TSHZ1: variants seen among roughly 807,000 people sequenced by gnomAD.
TSHZ1 encodes teashirt zinc finger homeobox 1.
A neutral mutation model predicts 67.1 loss-of-function variants in TSHZ1; 12 were observed. That is an observed-to-expected ratio of 0.18 (90% confidence interval 0.11 to 0.29). The LOEUF is 0.29. TSHZ1 is among the 10% of genes least tolerant of loss of function. The probability of loss-of-function intolerance (pLI) is 1.00; values close to 1 mark genes in which losing one functional copy is unlikely to be tolerated. For synonymous variants in TSHZ1, 632 were observed against 622.4 expected (o/e 1.02, Z -0.23); for missense variants, 1,305 against 1,413.9 (o/e 0.92, Z 1.23).
At chr18:75,284,488 G>T (rs569216576) in intron 1 of TSHZ1, 1 of 152,322 alleles carries the variant, frequency 6.6e-6, no homozygotes, top group East Asian at 1.9e-4. Context: ...TCATATTGAT[G>T]TGCAGCCATC....
At chr18:75,228,132 A>T (rs1003312694) in intron 1 of TSHZ1, among the ~76,000 whole-genome samples, 1 of 152,232 alleles carries the variant, frequency 6.6e-6, no homozygotes, top group African/African-American at 2.4e-5. Context: ...TAATGGATGG[A>T]TGCTTTTTTC....
chr18:75,285,876 A>ACCCCCCCCC lies in TSHZ1; in HGVS notation c.474_475insCCCCCCCCC (p.Pro158_Thr159insProProPro). On this transcript the variant is annotated inframe_insertion, in exon 2 of 2. Coordinates refer to ENST00000580243, the MANE Select transcript of TSHZ1 (RefSeq NM_001308210.2). ...CAGCCAGAAGGAGAGCTCCGCCCCC[A>ACCCCCCCCC]CCCCCACACCCCCCACCTGCCCCGT... is the stretch of plus-strand genomic sequence containing the variant. 3.4e-5 allele frequency: 17 copies of ACCCCCCCCC among 496,194 alleles called. No homozygotes were observed. The highest frequency in any genetic ancestry group is 2.0e-4 in the South Asian group (5 of 24,764). 30.7% of individuals were successfully genotyped at this position (496,194 alleles called of 1,614,324 possible). A position where few individuals can be genotyped will look rare whatever the true frequency, so the allele number is the denominator to read the frequency against.
chr18:75,261,818 G>A (rs572217539), intron 1 of TSHZ1, among the ~76,000 whole-genome samples: 72 of 152,284 alleles, frequency 4.7e-4, no homozygotes, highest in African/African-American at 1.5e-3. Flanking sequence ...TCGGGGGTGC[G>A]TGTTAATTTC....
chr18:75,248,951 C>G (rs114404343), intron 1 of TSHZ1, among the ~76,000 whole-genome samples: 1 of 152,202 alleles, frequency 6.6e-6, no homozygotes, highest in Non-Finnish European at 1.5e-5. Flanking sequence ...AGGCGAGCCA[C>G]CTCCGCGTGG....
At chr18:75,259,969 G>A (rs1264519616) in intron 1 of TSHZ1, among the ~76,000 whole-genome samples, 3 of 152,208 alleles carry the variant, frequency 2.0e-5, no homozygotes, top group Non-Finnish European at 4.4e-5. Flanking sequence ...CACTTCTTGA[G>A]TGTGTGTGAT....
chr18:75,263,594 T>G (rs961630526), intron 1 of TSHZ1, among the ~76,000 whole-genome samples: 5 of 152,218 alleles, frequency 3.3e-5, no homozygotes, highest in African/African-American at 1.2e-4. Context: ...ATGTTCAATA[T>G]GTCTATGTTT....
chr18:75,214,090 G>C (rs899558892), intron 1 of TSHZ1, among the ~76,000 whole-genome samples: 1 of 152,178 alleles, frequency 6.6e-6, no homozygotes, highest in African/African-American at 2.4e-5. Context: ...TCTCTACTTT[G>C]ATTCCAAACC....
chr18:75,270,379 T>A (rs1322857520), intron 1 of TSHZ1, among the ~76,000 whole-genome samples: 1 of 152,224 alleles, frequency 6.6e-6, no homozygotes, highest in Non-Finnish European at 1.5e-5. Flanking sequence ...CAACAGATAT[T>A]AACTTGTTAT....
intron 1 of TSHZ1, among the ~76,000 whole-genome samples, chr18:75,250,522 C>A (rs1458394560): frequency 1.3e-5 from 2 of 152,216 alleles, no homozygotes; most frequent in African/African-American, 4.8e-5. Context: ...GCGGGCTGGC[C>A]CAGGGTCCGG....
Position 75,287,590 on chromosome 18 carries a change from A to C in TSHZ1, c.2183A>C (p.Asn728Thr). Residue 728 changes from asparagine to threonine, a missense_variant, in exon 2 of 2, where the codon AAC (asparagine) becomes ACC (threonine). By Grantham distance (65) the Asn-to-Thr change is moderately conservative. Transcript: ENST00000580243. The surrounding 1 kb of genome is among the most constrained non-coding windows in gnomAD (Gnocchi z 5.0). The part of the protein sequence containing the change: ...PLKAKVTNGC[N>T]NLGIIMDHSP... ...AAAGCAAAGGTCACCAACGGCTGTAACAACCTGGGGATCATCATGGACCAC... is the reference window on the plus strand; with the variant it reads ...AAAGCAAAGGTCACCAACGGCTGTACCAACCTGGGGATCATCATGGACCAC... The C allele has an allele frequency of 6.2e-7, 1 of 1,614,210 alleles. No homozygotes were observed. Among genetic ancestry groups the C allele is most frequent in the Non-Finnish European group, 8.5e-7 (1 of 1,180,038 alleles).
chr18:75,243,260 C>T (rs1046460442), intron 1 of TSHZ1, among the ~76,000 whole-genome samples: 2 of 151,906 alleles, frequency 1.3e-5, no homozygotes, highest in Admixed American at 6.6e-5. Context: ...GGTGTAGCTC[C>T]GATGGTTTCC....
intron 1 of TSHZ1, among the ~76,000 whole-genome samples, chr18:75,233,965 A>C (rs560987408): frequency 1.4e-4 from 21 of 152,184 alleles, no homozygotes; most frequent in Non-Finnish European, 2.2e-4. Flanking sequence ...GTATTTGCAC[A>C]CATACTGATG....
At chr18:75,249,481 T>TG (rs2023266852) in intron 1 of TSHZ1, among the ~76,000 whole-genome samples, 1 of 47,604 alleles carries the variant, frequency 2.1e-5, no homozygotes, top group South Asian at 7.7e-4. Flanking sequence ...GTGGCTTTGG[T>TG]AGGGGGGAAG....
In TSHZ1 at chr18:75,271,518, A is replaced by G. The variant is rs371270590; in HGVS notation, c.41-13930A>G. On this transcript the variant is annotated intron_variant, in intron 1 of 1. Coordinates refer to ENST00000580243, the MANE Select transcript of TSHZ1 (RefSeq NM_001308210.2). ...CTGGGCCTGTGTCTTCCTGAGCCCC[A>G]TCCCTGGTGTGCTCAATAATGCAGC... is the stretch of plus-strand genomic sequence containing the variant. Among the ~76,000 whole-genome samples the G allele has an allele frequency of 9.2e-5, 14 of 152,234 alleles. No homozygotes were observed. In the East Asian group the frequency reaches 2.3e-3, roughly 25 times the overall value.
At chr18:75,272,439 G>C (rs2023569917) in intron 1 of TSHZ1, among the ~76,000 whole-genome samples, 1 of 152,216 alleles carries the variant, frequency 6.6e-6, no homozygotes, top group Non-Finnish European at 1.5e-5. Flanking sequence ...GATTCTACTA[G>C]ATTTCTTAGG....
At chr18:75,282,625 A>C (rs1185048285) in intron 1 of TSHZ1, among the ~76,000 whole-genome samples, 1 of 152,144 alleles carries the variant, frequency 6.6e-6, no homozygotes, top group Non-Finnish European at 1.5e-5. Flanking sequence ...ACCTGCTGGA[A>C]GGAAGAGCCA....
At chr18:75,265,580 A>T (rs1381761958) in intron 1 of TSHZ1, among the ~76,000 whole-genome samples, 3 of 152,258 alleles carry the variant, frequency 2.0e-5, no homozygotes, top group Non-Finnish European at 4.4e-5. Flanking sequence ...GTCACTGTGC[A>T]TAGCAACAGG....
intron 1 of TSHZ1, among the ~76,000 whole-genome samples, chr18:75,234,501 T>C (rs1349902681): frequency 1.3e-5 from 2 of 152,218 alleles, no homozygotes; most frequent in African/African-American, 4.8e-5. Flanking sequence ...TAAGTCATAA[T>C]AAACATAGTT....
rs1399978013 is a variant in TSHZ1, at chr18:75,210,972, C to T, written c.-905C>T. ...TCTTCACCCCCTTTGCACACACTCTCCGGGTTGTTGTTGCCTTTTTTTTTT... is the reference window on the plus strand; with the variant it reads ...TCTTCACCCCCTTTGCACACACTCTTCGGGTTGTTGTTGCCTTTTTTTTTT... On this transcript the variant is annotated 5_prime_UTR_variant, in exon 1 of 2. Coordinates refer to ENST00000580243, the MANE Select transcript of TSHZ1 (RefSeq NM_001308210.2). The T allele has an allele frequency of 1.3e-5, 2 of 148,906 alleles. No homozygotes were observed. Among genetic ancestry groups the T allele is most frequent in the Non-Finnish European group, 3.0e-5 (2 of 67,430 alleles). 9.2% of individuals were successfully genotyped at this position (148,906 alleles called of 1,614,324 possible). A position where few individuals can be genotyped will look rare whatever the true frequency, so the allele number is the denominator to read the frequency against.
Sources: gnomAD v4.1 joint callset for allele counts (sites outside exome capture counted in the v4.1 genomes callset) on GRCh38, gnomAD v4.1.1 for gene constraint, Gnocchi (gnomAD v3.1) non-coding constraint, MANE v1.5 for transcripts, NCBI Gene and HGNC (gene_info 2026-07-23, HGNC 2026-07-21) for gene names.